The following SLC27A5 variants were observed in gnomAD, a reference collection of about 807,000 sequenced individuals.
SLC27A5 encodes the protein solute carrier family 27 member 5.
SLC27A5 carries 47 observed loss-of-function variants against 63.1 expected under a neutral mutation model. The observed-to-expected ratio is 0.74, with a 90% confidence interval of 0.59 to 0.95. The LOEUF is 0.95. Ranked by LOEUF, SLC27A5 falls within the 40% of genes least tolerant of loss-of-function variation. The pLI, the probability that SLC27A5 is intolerant of heterozygous loss-of-function variation, is 0.00. For synonymous variants in SLC27A5, 391 were observed against 403.8 expected (o/e 0.97, Z 0.38); for missense variants, 940 against 921.0 (o/e 1.02, Z -0.27).
At chr19:58,499,062 C>T (rs1003518200) in intron 8 of SLC27A5, 61 bp downstream of exon 8, 3 of 1,606,914 alleles carry the variant, frequency 1.9e-6, no homozygotes, top group East Asian at 4.5e-5. Flanking sequence ...CCTGTAAAAT[C>T]AGAATAACGA....
chr19:58,507,485 G>A (rs1037817756), intron 3 of SLC27A5: 3 of 152,156 alleles, frequency 2.0e-5, no homozygotes, highest in Non-Finnish European at 2.9e-5. Context: ...AGGACCCTGT[G>A]ATAATTGTGT....
intron 3 of SLC27A5, among the ~76,000 whole-genome samples, chr19:58,506,538 C>CA: frequency 6.6e-6 from 1 of 151,258 alleles, no homozygotes; most frequent in African/African-American, 2.4e-5. Context: ...GACTGTGTCT[C>CA]AAAAACAAAC....
Position 58,509,892 on chromosome 19 carries a change from G to A in SLC27A5, c.1012C>T (p.His338Tyr), listed in dbSNP as rs748319861. The A allele has an allele frequency of 8.1e-6, 13 of 1,613,794 alleles. No individual in the cohort carries two copies. In the South Asian group the frequency reaches 1.3e-4, roughly 16 times the overall value. ...DVVYTVLPLY[H>Y]VMGLVVGILG... ...ATCCCAACGACAAGTCCCATCACGT[G>A]GTACAGAGGCAGGACCGTGTAAACC... The change falls in exon 3 of 10, where the codon CAC becomes TAC. Residue 338 changes from histidine to tyrosine, a missense_variant. By Grantham distance (83) the His-to-Tyr change is moderately conservative (BLOSUM62 2). Coordinates refer to ENST00000263093, the MANE Select transcript of SLC27A5 (RefSeq NM_012254.3).
chr19:58,501,199 G>A, intron 4 of SLC27A5, 87 bp downstream of exon 4: 1 of 1,517,598 alleles, frequency 6.6e-7, no homozygotes, highest in Non-Finnish European at 8.9e-7. Context: ...AGGGACTTGA[G>A]TTCAGTACCT....
Position 58,498,443 on chromosome 19 carries a change from G to C in SLC27A5, c.*72C>G. On this transcript the variant is annotated 3_prime_UTR_variant, in exon 10 of 10. Transcript: ENST00000263093. ...GCTGGGATTCACACAGGCCCAGGAT[G>C]AAAGGGACACCGAGTGTGTTGGGGT... 6.8e-7 allele frequency: 1 copy of C among 1,475,194 alleles called. No homozygotes were observed. The highest frequency in any genetic ancestry group is 9.2e-7 in the Non-Finnish European group (1 of 1,091,934). 91.4% of individuals were successfully genotyped at this position (1,475,194 alleles called of 1,614,324 possible). A position where few individuals can be genotyped will look rare whatever the true frequency, so the allele number is the denominator to read the frequency against.
intron 3 of SLC27A5, 155 bp downstream of exon 3, chr19:58,509,692 C>A: frequency 1.5e-6 from 1 of 648,026 alleles, no homozygotes; most frequent in Non-Finnish European, 2.5e-6. Flanking sequence ...AGCTTCTGTC[C>A]ATGCGGCCCT....
At chr19:58,509,794 A>G (rs1053654605) in intron 3 of SLC27A5, 53 bp downstream of exon 3, 2 of 1,533,834 alleles carry the variant, frequency 1.3e-6, no homozygotes, top group African/African-American at 1.4e-5. Flanking sequence ...CCCCACGCCG[A>G]CACTTACTCC....
chr19:58,503,349 A>G (rs886197176), intron 3 of SLC27A5, among the ~76,000 whole-genome samples: 1 of 151,778 alleles, frequency 6.6e-6, no homozygotes, highest in African/African-American at 2.4e-5. Flanking sequence ...GTATTGACGT[A>G]TGGACACATG....
At chr19:58,499,006 A>G in intron 8 of SLC27A5, 91 bp from the exon 9 acceptor site, 2 of 1,589,246 alleles carry the variant, frequency 1.3e-6, no homozygotes, top group Non-Finnish European at 1.7e-6. Flanking sequence ...ACTGGCTGTG[A>G]GAGCCAGCAA....
intron 3 of SLC27A5, among the ~76,000 whole-genome samples, chr19:58,502,345 G>A (rs28757686): frequency 7.6e-5 from 10 of 132,230 alleles, no homozygotes; most frequent in South Asian, 2.7e-4. Context: ...GTGAGTGAGT[G>A]GATGGATGGG....
chr19:58,508,498 G>A (rs2053371872), intron 3 of SLC27A5: 1 of 150,812 alleles, frequency 6.6e-6, no homozygotes, highest in Non-Finnish European at 1.5e-5. Flanking sequence ...AGAGCTTGCA[G>A]TGAGCTGAGA....
intron 3 of SLC27A5, among the ~76,000 whole-genome samples, chr19:58,502,932 T>C (rs375414462): frequency 0.27 from 41,264 of 151,228 alleles, 6,654 homozygotes; most frequent in Middle Eastern, 0.49. Context: ...GGTGGCTGGG[T>C]GAGGATCGTC....
chr19:58,511,326 C>A lies in SLC27A5; in HGVS notation c.630G>T (p.Gly210=). 1.3e-6 allele frequency: 2 copies of A among 1,594,248 alleles called. No individual in the cohort carries two copies. Among genetic ancestry groups the A allele is most frequent in the South Asian group, 1.1e-5 (1 of 89,858 alleles). ...PTAWINPHGR[G]MPLAHSVLSS... is the part of the protein sequence containing the mutation. Reference sequence around the variant, plus strand: ...TCAGCACAGAGTGCGCCAGGGGCATCCCCCGGCCATGCGGGTTGATCCAGG... The same window carrying A: ...TCAGCACAGAGTGCGCCAGGGGCATACCCCGGCCATGCGGGTTGATCCAGG... Residue 210 remains glycine, a synonymous_variant, in exon 1 of 10, where the codon GGG becomes GGT. Coordinates refer to ENST00000263093, the MANE Select transcript of SLC27A5 (RefSeq NM_012254.3).
At chr19:58,508,984 G>C (rs1043440352) in intron 3 of SLC27A5, 1 of 151,974 alleles carries the variant, frequency 6.6e-6, no homozygotes, top group Admixed American at 6.6e-5. Flanking sequence ...GGCTGAGGCA[G>C]GAAAATCGCT....
At chr19:58,506,134 C>T (rs2053344290) in intron 3 of SLC27A5, among the ~76,000 whole-genome samples, 1 of 151,900 alleles carries the variant, frequency 6.6e-6, no homozygotes, top group Non-Finnish European at 1.5e-5. Flanking sequence ...ACTATGTTGC[C>T]CAGGCTGGTG....
rs1000364797 is a variant in SLC27A5 at position 58,510,434 on chromosome 19, C to G, written c.898+287G>C. On this transcript the variant is annotated intron_variant, in intron 2 of 9. Coordinates refer to ENST00000263093, the MANE Select transcript of SLC27A5 (RefSeq NM_012254.3). ...ACCAAAAATACAAAAATTAGCTGGGCATAGTGGTGTGTGCCTGTAATCCCA... is the reference window on the plus strand; with the variant it reads ...ACCAAAAATACAAAAATTAGCTGGGGATAGTGGTGTGTGCCTGTAATCCCA... 7 of 391,724 alleles carry G rather than the reference C, an allele frequency of 1.8e-5. No individual in the cohort carries two copies. The Admixed American group carries it at 3.0e-4, about 17-fold the overall frequency. 24.3% of individuals were successfully genotyped at this position (391,724 alleles called of 1,614,324 possible). A position where few individuals can be genotyped will look rare whatever the true frequency, so the allele number is the denominator to read the frequency against.
Position 58,499,156 on chromosome 19 carries a change from G to A in SLC27A5, c.1732C>T (p.Gln578Ter). Residue 578 changes from glutamine to a stop codon, truncating the protein, a stop_gained, in exon 8 of 10, where the codon CAA (glutamine) becomes TAA (stop). Transcript: ENST00000263093. LOFTEE classifies it high-confidence loss of function. Reference protein sequence around the residue: ...EGVLSQVDFLQQVNVYGVCVP... With the variant: ...EGVLSQVDFL ...CACACGCCATACACGTTAACCTGTTGCAAGAAGTCCACCTGCGACAACACG... is the reference window on the plus strand; with the variant it reads ...CACACGCCATACACGTTAACCTGTTACAAGAAGTCCACCTGCGACAACACG... 1 of 1,614,082 alleles carries A rather than the reference G, an allele frequency of 6.2e-7. No homozygotes were observed. Among genetic ancestry groups the A allele is most frequent in the Non-Finnish European group, 8.5e-7 (1 of 1,180,042 alleles).
chr19:58,503,147 G>A (rs1054337259), intron 3 of SLC27A5, among the ~76,000 whole-genome samples: 1 of 151,438 alleles, frequency 6.6e-6, no homozygotes, highest in Non-Finnish European at 1.5e-5. Flanking sequence ...GGAGCTTGCA[G>A]TGAGCCGAGA....
Position 58,509,944 on chromosome 19 carries a change from G to A in SLC27A5, c.960C>T (p.Ser320=), listed in dbSNP as rs2053390731. 1 of 1,613,948 alleles carries A rather than the reference G, an allele frequency of 6.2e-7. No individual in the cohort carries two copies. The highest frequency in any genetic ancestry group is 8.5e-7 in the Non-Finnish European group (1 of 1,180,032). The change falls in exon 3 of 10, where the codon TCC becomes TCT. Residue 320 remains serine, a synonymous_variant. Transcript: ENST00000263093. ...ERVLQMSKML[S]LSGATADDVV... is the part of the protein sequence containing the mutation. ...CATCATCAGCTGTGGCCCCAGATAA[G>A]GACAGCATCTTGCTCATCTGCAGTA...
Sources: gnomAD v4.1 joint callset for allele counts (sites outside exome capture counted in the v4.1 genomes callset) on GRCh38, gnomAD v4.1.1 for gene constraint, MANE v1.5 for transcripts, NCBI Gene and HGNC (gene_info 2026-07-23, HGNC 2026-07-21) for gene names.